CACNA2D1: variants seen among roughly 807,000 people sequenced by gnomAD.
CACNA2D1 encodes the protein voltage-dependent calcium channel subunit alpha-2/delta-1.
CACNA2D1 carries 53 observed loss-of-function variants against 171.5 expected under a neutral mutation model. The ratio of observed to expected loss-of-function variants is 0.31; its 90% CI spans 0.25 to 0.39. The LOEUF is 0.39. Ranked by LOEUF, CACNA2D1 falls within the 10% of genes least tolerant of loss-of-function variation. The pLI, the probability that CACNA2D1 is intolerant of heterozygous loss-of-function variation, is 1.00. For missense variants in CACNA2D1, 903 were observed against 1,299.8 expected, an observed-to-expected ratio of 0.69 and a Z score of 4.69; for synonymous variants, 442 against 443.1, an observed-to-expected ratio of 1.00 and a Z score of 0.03.
chr7:82,166,825 C>T (rs1584978046), intron 4 of CACNA2D1, among the ~76,000 whole-genome samples: 2 of 151,932 alleles, frequency 1.3e-5, no homozygotes, highest in African/African-American at 2.4e-5. Context: ...GGGTGTACGC[C>T]CTTTGTTCCC....
chr7:82,193,529 A>T (rs1282166861), intron 3 of CACNA2D1, among the ~76,000 whole-genome samples: 1 of 152,020 alleles, frequency 6.6e-6, no homozygotes, highest in Non-Finnish European at 1.5e-5. Flanking sequence ...TTTTAAGTAG[A>T]TTTAAAAATA....
chr7:82,184,001 T>G (rs746818847), intron 3 of CACNA2D1, among the ~76,000 whole-genome samples: 1 of 152,122 alleles, frequency 6.6e-6, no homozygotes, highest in South Asian at 2.1e-4. Context: ...CTTGTTATAT[T>G]AATTTCCTTT....
intron 18 of CACNA2D1, among the ~76,000 whole-genome samples, chr7:82,000,404 G>A (rs1293037298): frequency 6.6e-6 from 1 of 152,064 alleles, no homozygotes; most frequent in Non-Finnish European, 1.5e-5. Context: ...ATACTGTGTA[G>A]GATGGAAACT....
At chr7:82,285,686 G>T (rs1170263857) in intron 3 of CACNA2D1, among the ~76,000 whole-genome samples, 2 of 152,012 alleles carry the variant, frequency 1.3e-5, no homozygotes, top group African/African-American at 2.4e-5. Flanking sequence ...ATATATGAAC[G>T]CATGGGACAG....
intron 6 of CACNA2D1, among the ~76,000 whole-genome samples, chr7:82,112,532 C>A (rs947961912): frequency 1.3e-5 from 2 of 152,160 alleles, no homozygotes; most frequent in Admixed American, 6.5e-5. Flanking sequence ...CCCAAGAACA[C>A]CAAACACCTT....
At chr7:82,418,372 A>C (rs1289423527) in intron 1 of CACNA2D1, among the ~76,000 whole-genome samples, 1 of 152,176 alleles carries the variant, frequency 6.6e-6, no homozygotes, top group Non-Finnish European at 1.5e-5. Flanking sequence ...AGACAATAAG[A>C]GTAGAATGCA....
chr7:82,349,473 C>A, intron 2 of CACNA2D1, 95 bp downstream of exon 2: 1 of 983,366 alleles, frequency 1.0e-6, no homozygotes, highest in Non-Finnish European at 1.6e-6. Flanking sequence ...GAAATCATAT[C>A]CCATTTGTAA....
chr7:82,351,232 T>C (rs915127027), intron 1 of CACNA2D1, among the ~76,000 whole-genome samples: 1 of 151,808 alleles, frequency 6.6e-6, no homozygotes, highest in Admixed American at 6.6e-5. Flanking sequence ...TAGGGAAGAA[T>C]TCCAGTAGTA....
At chr7:81,955,978 ATATTTTT>A (rs1402143463) in intron 38 of CACNA2D1, among the ~76,000 whole-genome samples, 96 of 49,196 alleles carry the variant, frequency 2.0e-3, no homozygotes, top group Middle Eastern at 0.028. Flanking sequence ...ATATATATAT[ATATTTTT>A]TTTTTTTTTT....
chr7:82,162,193 A>C (rs959000001), intron 4 of CACNA2D1, among the ~76,000 whole-genome samples: 1 of 152,034 alleles, frequency 6.6e-6, no homozygotes, highest in African/African-American at 2.4e-5. Context: ...CCAGTGAGTA[A>C]AGGTGAAAAT....
intron 1 of CACNA2D1, among the ~76,000 whole-genome samples, chr7:82,404,536 T>C (rs1442095403): frequency 6.6e-6 from 1 of 152,218 alleles, no homozygotes; most frequent in Non-Finnish European, 1.5e-5. Flanking sequence ...GGGGTCAAGG[T>C]TGAAATGAAG....
At chr7:82,281,289 G>T (rs531503179) in intron 3 of CACNA2D1, among the ~76,000 whole-genome samples, 2 of 152,106 alleles carry the variant, frequency 1.3e-5, no homozygotes, top group Non-Finnish European at 2.9e-5. Flanking sequence ...GTTAACCAAC[G>T]GAATCTTGGG....
chr7:82,296,192 T>G (rs998060786), intron 3 of CACNA2D1, among the ~76,000 whole-genome samples: 2 of 151,744 alleles, frequency 1.3e-5, no homozygotes, highest in Non-Finnish European at 2.9e-5. Flanking sequence ...CACACCAGCA[T>G]GGCACATGTA....
At chr7:82,136,721 ACTGTATC>A in intron 4 of CACNA2D1, 45 bp from the exon 5 acceptor site, 2 of 1,290,770 alleles carry the variant, frequency 1.5e-6, no homozygotes, top group Non-Finnish European at 2.2e-6. Context: ...TAAAAACAAT[ACTGTATC>A]AAATACTGAA....
At chr7:82,136,929 G>C (rs745764848) in intron 4 of CACNA2D1, among the ~76,000 whole-genome samples, 2 of 152,070 alleles carry the variant, frequency 1.3e-5, no homozygotes, top group African/African-American at 4.8e-5. Context: ...AAAAAAATAA[G>C]TGAAAAATTG....
intron 3 of CACNA2D1, among the ~76,000 whole-genome samples, chr7:82,194,023 T>A (rs1798605905): frequency 6.6e-6 from 1 of 151,998 alleles, no homozygotes; most frequent in Admixed American, 6.6e-5. Context: ...TAAGGCTACA[T>A]TGTTGTTCTG....
At chr7:82,254,462 A>G (rs1806041740) in intron 3 of CACNA2D1, among the ~76,000 whole-genome samples, 1 of 152,068 alleles carries the variant, frequency 6.6e-6, no homozygotes, top group African/African-American at 2.4e-5. Flanking sequence ...GATTTAATAT[A>G]TATATATTAT....
chr7:82,437,475 C>T, intron 1 of CACNA2D1, among the ~76,000 whole-genome samples: 1 of 152,016 alleles, frequency 6.6e-6, no homozygotes, highest in Non-Finnish European at 1.5e-5. Context: ...TAAATGTATC[C>T]TAATTTTTTA....
At chr7:82,035,499 C>T (rs1803194076) in intron 11 of CACNA2D1, among the ~76,000 whole-genome samples, 1 of 152,102 alleles carries the variant, frequency 6.6e-6, no homozygotes, top group Non-Finnish European at 1.5e-5. Context: ...TAGGGAACAA[C>T]TGGGACCATA....
Sources: allele counts gnomAD v4.1 joint callset (sites outside exome capture counted in the v4.1 genomes callset), GRCh38; gene constraint gnomAD v4.1.1; transcripts MANE v1.5; gene names NCBI Gene and HGNC (gene_info 2026-07-23, HGNC 2026-07-21).